CTSB: variants seen among roughly 807,000 people sequenced by gnomAD.
CTSB encodes cathepsin B, also known as APP secretase.
A neutral mutation model predicts 44.3 loss-of-function variants in CTSB; 57 were observed. That is an observed-to-expected ratio of 1.29 (90% CI 1.04 to 1.60). The LOEUF (loss-of-function observed/expected upper bound fraction) is 1.60. Among genes scored for constraint, CTSB ranks in the 40% most tolerant of loss-of-function variants. The pLI, the probability that CTSB is intolerant of heterozygous loss-of-function variation, is 0.00. For missense variants in CTSB, 768 were observed against 443.0 expected, an observed-to-expected ratio of 1.73 and a Z score of -6.59; for synonymous variants, 320 against 168.0, an observed-to-expected ratio of 1.91 and a Z score of -7.00.
At chr8:11,846,803 G>A (rs1813438746) in intron 8 of CTSB, among the ~76,000 whole-genome samples, 1 of 152,124 alleles carries the variant, frequency 6.6e-6, no homozygotes, top group Non-Finnish European at 1.5e-5. Flanking sequence ...GGATGGGAAG[G>A]AACTAGCCCA....
At chr8:11,856,163 C>T (rs763018329) in intron 1 of CTSB, among the ~76,000 whole-genome samples, 6 of 151,728 alleles carry the variant, frequency 4.0e-5, no homozygotes, top group South Asian at 4.2e-4. Flanking sequence ...AGTGGGGAAA[C>T]GGAAGGCATG....
chr8:11,863,713 C>T (rs988989113), intron 1 of CTSB, among the ~76,000 whole-genome samples: 2 of 152,026 alleles, frequency 1.3e-5, no homozygotes, highest in South Asian at 4.1e-4. Context: ...AATTTCTGGT[C>T]ATGAAATTAA....
At position 11,845,708 on chromosome 8, in the gene CTSB, G is replaced by C. The variant is rs1434280711; in HGVS notation, c.875C>G (p.Pro292Arg). Residue 292 changes from proline (P) to arginine (R), a missense_variant, in exon 9 of 10, where the codon CCC becomes CGC. By Grantham distance (103) the Pro-to-Arg change is moderately radical. Transcript: ENST00000353047. ...ILGWGVENGT[P>R]YWLVANSWNT... is the part of the protein sequence containing the mutation. ...CCAGGAGTTGGCAACCAGCCAGTAG[G>C]GTGTGCCATTCTCCACTCCCCAGCC... is the stretch of plus-strand genomic sequence containing the variant. The C allele has an allele frequency of 1.5e-5, 24 of 1,614,080 alleles. No individual in the cohort carries two copies. The highest frequency in any genetic ancestry group is 1.7e-4 in the Middle Eastern group (1 of 6,060).
rs749911288 is a variant in CTSB, at chr8:11,847,818, G to A, written c.537C>T (p.Cys179=). The change falls in exon 7 of 10, where the codon TGC becomes TGT. Residue 179 remains cysteine (C), a synonymous_variant. Transcript: ENST00000353047. Reference sequence around the variant, plus strand: ...CACAGGGAGGGATGGAGTACGGTCTGCACCCTGATGGGACGCGGGAGAAAG... The same window carrying A: ...CACAGGGAGGGATGGAGTACGGTCTACACCCTGATGGGACGCGGGAGAAAG... ...SGGLYESHVG[C]RPYSIPPCEH... 2.5e-6 allele frequency: 4 copies of A among 1,591,480 alleles called. No individual in the cohort carries two copies. The African/African-American group carries it at 4.1e-5, about 16-fold the overall frequency.
intron 1 of CTSB, 127 bp from the exon 2 acceptor site, chr8:11,853,606 T>C (rs908736274): frequency 2.3e-6 from 2 of 858,142 alleles, no homozygotes; most frequent in African/African-American, 2.3e-5. Flanking sequence ...GGAGAACTCT[T>C]AAGGAGCTGA....
rs556174657 is a variant in CTSB at position 11,860,326 on chromosome 8, A to G, written c.-25-6847T>C. 3.0e-4 allele frequency among the ~76,000 whole-genome samples: 45 copies of G among 152,196 alleles called. No homozygotes were observed. The South Asian group carries it at 7.9e-3, about 27-fold the overall frequency. ...GCTGGCTCCTCTCATAGTCAGCTCTAAAGAATTGAAAGTTGGCCGGGCACA... is the reference window on the plus strand; with the variant it reads ...GCTGGCTCCTCTCATAGTCAGCTCTGAAGAATTGAAAGTTGGCCGGGCACA... On this transcript the variant is annotated intron_variant, in intron 1 of 9. Coordinates refer to ENST00000353047, the MANE Select transcript of CTSB (RefSeq NM_001908.5).
chr8:11,847,825 G>C lies in CTSB; in HGVS notation c.533-3C>G. On this transcript the variant is annotated splice_polypyrimidine_tract_variant and splice_region_variant and intron_variant, in intron 6 of 9. Transcript: ENST00000353047. ...AGGGATGGAGTACGGTCTGCACCCT[G>C]ATGGGACGCGGGAGAAAGCGGAGTC... 6.3e-7 allele frequency: 1 copy of C among 1,589,572 alleles called. No individual in the cohort carries two copies. Among genetic ancestry groups the C allele is most frequent in the Non-Finnish European group, 8.5e-7 (1 of 1,172,970 alleles).
chr8:11,852,674 C>A lies in CTSB; in HGVS notation c.148G>T (p.Val50Leu). The part of the protein sequence containing the change: ...TWQAGHNFYN[V>L]DMSYLKRLCG... The stretch of plus-strand genomic sequence containing the variant: ...AGCCTCTTCAAGTAGCTCATGTCCA[C>A]GTTGTAGAAGTTGTGCCCGGCCTGG... Residue 50 changes from valine (V) to leucine (L), a missense_variant, in exon 3 of 10, where the codon GTG becomes TTG. Val to Leu is a conservative substitution (Grantham distance 32). Coordinates refer to ENST00000353047, the MANE Select transcript of CTSB (RefSeq NM_001908.5). 6.2e-7 allele frequency: 1 copy of A among 1,614,054 alleles called. No individual in the cohort carries two copies. The highest frequency in any genetic ancestry group is 1.1e-5 in the South Asian group (1 of 91,088).
At chr8:11,858,788 T>C (rs1815932167) in intron 1 of CTSB, among the ~76,000 whole-genome samples, 1 of 152,176 alleles carries the variant, frequency 6.6e-6, no homozygotes. Context: ...TCTGGACAAA[T>C]GCAGATGGTG....
chr8:11,845,567 A>AAC, intron 9 of CTSB, 94 bp downstream of exon 9: 1 of 1,472,574 alleles, frequency 6.8e-7, no homozygotes, highest in East Asian at 2.3e-5. Flanking sequence ...CCAGGGTTTA[A>AAC]GGCTGTGCGG....
chr8:11,850,285 G>A (rs1481915106), intron 4 of CTSB, among the ~76,000 whole-genome samples: 1 of 151,888 alleles, frequency 6.6e-6, no homozygotes, highest in East Asian at 1.9e-4. Flanking sequence ...TGGGCGTGGT[G>A]GCACATGCCT....
chr8:11,851,556 C>A (rs926013082), intron 3 of CTSB, among the ~76,000 whole-genome samples: 2 of 152,112 alleles, frequency 1.3e-5, no homozygotes, highest in African/African-American at 4.8e-5. Context: ...AATTTATCCA[C>A]AAATTATAAA....
At chr8:11,864,973 A>G (rs959582323) in intron 1 of CTSB, among the ~76,000 whole-genome samples, 4 of 151,992 alleles carry the variant, frequency 2.6e-5, no homozygotes, top group Non-Finnish European at 4.4e-5. Context: ...TAAACCTCCT[A>G]CCCCACACAA....
rs373650422 is a variant in CTSB at position 11,862,894 on chromosome 8, C to T, written c.-26+5107G>A. On this transcript the variant is annotated intron_variant, in intron 1 of 9. Coordinates refer to ENST00000353047, the MANE Select transcript of CTSB (RefSeq NM_001908.5). ...CACATTGGGCCCATCCTTCTCCATGCATGCTTGCTGGTGATGCTAGATTAT... is the reference window on the plus strand; with the variant it reads ...CACATTGGGCCCATCCTTCTCCATGTATGCTTGCTGGTGATGCTAGATTAT... Among the ~76,000 whole-genome samples the T allele has an allele frequency of 4.6e-5, 7 of 152,352 alleles. No individual in the cohort carries two copies. In the East Asian group the frequency reaches 1.2e-3, roughly 25 times the overall value.
chr8:11,851,767 T>C (rs548789236), intron 3 of CTSB, among the ~76,000 whole-genome samples: 2 of 151,252 alleles, frequency 1.3e-5, no homozygotes, highest in African/African-American at 4.9e-5. Flanking sequence ...CCCGGGTTCA[T>C]GCGATTCTCT....
At chr8:11,866,998 A>G (rs1817248722) in intron 1 of CTSB, among the ~76,000 whole-genome samples, 1 of 152,082 alleles carries the variant, frequency 6.6e-6, no homozygotes, top group African/African-American at 2.4e-5. Context: ...TGAACCCCAC[A>G]GCGTCACTTC....
At chr8:11,859,454 C>T (rs1047728326) in intron 1 of CTSB, among the ~76,000 whole-genome samples, 12 of 152,194 alleles carry the variant, frequency 7.9e-5, no homozygotes, top group Admixed American at 7.9e-4. Context: ...TGGGCTGCCA[C>T]CAAGCTCAAT....
chr8:11,858,344 G>C (rs975121119), intron 1 of CTSB, among the ~76,000 whole-genome samples: 1 of 152,194 alleles, frequency 6.6e-6, no homozygotes, highest in Admixed American at 6.5e-5. Context: ...GCCCAGGCTG[G>C]AGTGCAGTGG....
intron 7 of CTSB, 95 bp from the exon 8 acceptor site, chr8:11,847,263 G>C: frequency 1.3e-6 from 1 of 796,534 alleles, no homozygotes. Context: ...GTGGCCTCCA[G>C]GGGAAGACTG....
Sources: allele counts gnomAD v4.1 joint callset (sites outside exome capture counted in the v4.1 genomes callset), GRCh38; gene constraint gnomAD v4.1.1; transcripts MANE v1.5; gene names NCBI Gene and HGNC (gene_info 2026-07-23, HGNC 2026-07-21).